The following TRAF3IP2 variants were observed in gnomAD, a reference collection of about 807,000 sequenced individuals.
TRAF3IP2 encodes the protein TRAF3 interacting protein 2.
Under a neutral mutation model 57.9 loss-of-function variants are expected in TRAF3IP2, and 35 were observed. The ratio of observed to expected loss-of-function variants is 0.60; its 90% CI spans 0.46 to 0.80. The LOEUF (loss-of-function observed/expected upper bound fraction) is 0.80, where lower values mean the gene tolerates loss of function less well. Ranked by LOEUF, TRAF3IP2 falls within the 30% of genes least tolerant of loss-of-function variation. The pLI is 0.00. For synonymous variants in TRAF3IP2, 251 were observed against 268.9 expected (o/e 0.93, Z 0.65); for missense variants, 556 against 706.4 (o/e 0.79, Z 2.41).
At chr6:111,566,398 C>T (rs374532339) in intron 7 of TRAF3IP2, 46 bp downstream of exon 7, 2 of 1,452,116 alleles carry the variant, frequency 1.4e-6, no homozygotes, top group Admixed American at 3.4e-5. Flanking sequence ...GACAAGGTAT[C>T]CATCCCCAGG....
intron 5 of TRAF3IP2, among the ~76,000 whole-genome samples, chr6:111,568,164 T>G (rs916880196): frequency 1.3e-5 from 2 of 152,228 alleles, no homozygotes; most frequent in African/African-American, 4.8e-5. Context: ...TATGGTATTA[T>G]GTACAGTTTC....
chr6:111,578,756 GC>G (rs545597846), intron 3 of TRAF3IP2, among the ~76,000 whole-genome samples: 2,057 of 152,268 alleles, frequency 0.014, 22 homozygotes, highest in Non-Finnish European at 0.023. Flanking sequence ...AATAAAGTGG[GC>G]TTTTTTTCTT....
chr6:111,596,547 G>A lies in TRAF3IP2; in HGVS notation c.-8-4453C>T, dbSNP rs377361745. ...CGGCTCACTGCAACCTCTGCCTCCC[G>A]GGTTCAAGCGATTCTCATGCCTCAG... On this transcript the variant is annotated intron_variant, in intron 1 of 8. Transcript: ENST00000368761. 2.4e-4 allele frequency among the ~76,000 whole-genome samples: 37 copies of A among 152,300 alleles called. No homozygotes were observed. In the South Asian group the frequency reaches 7.5e-3, roughly 31 times the overall value.
chr6:111,573,178 G>A (rs1378276753), intron 4 of TRAF3IP2, among the ~76,000 whole-genome samples, 195 bp from the exon 5 acceptor site: 1 of 152,134 alleles, frequency 6.6e-6, no homozygotes, highest in African/African-American at 2.4e-5. Context: ...AATGCCAGTG[G>A]GTCTGTCCAA....
chr6:111,562,695 A>T (rs899544698), intron 8 of TRAF3IP2, among the ~76,000 whole-genome samples: 3 of 152,076 alleles, frequency 2.0e-5, no homozygotes, highest in Non-Finnish European at 4.4e-5. Flanking sequence ...AATAAAAAAA[A>T]TTAGCCAGGC....
rs1448625434 is a variant in TRAF3IP2, at chr6:111,572,913, T to A, written c.1272A>T (p.Val424=). ...EVVKFVNFLL[V]NGFQTAIDIF... is the part of the protein sequence containing the mutation. ...TACTTACTGCAGTTTGGAAGCCATT[T>A]ACCAACAAAAAGTTCACGAATTTCA... The change falls in exon 5 of 9, where the codon GTA becomes GTT. Residue 424 remains valine (V), a synonymous_variant. Coordinates refer to ENST00000368761, the MANE Select transcript of TRAF3IP2 (RefSeq NM_147686.4). 6 of 1,613,932 alleles carry A rather than the reference T, an allele frequency of 3.7e-6. No homozygotes were observed. In the African/African-American group the frequency reaches 6.7e-5, roughly 18 times the overall value.
intron 1 of TRAF3IP2, among the ~76,000 whole-genome samples, chr6:111,594,132 C>CAAAAAAAAAAA (rs36108891): frequency 3.2e-5 from 4 of 123,998 alleles, no homozygotes; most frequent in South Asian, 2.7e-4. Flanking sequence ...ACTCCATCTC[C>CAAAAAAAAAAA]AAAAAAAAAA....
rs1213272939 is a variant in TRAF3IP2 at position 111,587,027 on chromosome 6, CATAA to C, written c.829+4227_829+4230del. 3 of 152,136 alleles carry C rather than the reference CATAA, an allele frequency of 2.0e-5. No homozygotes were observed. In the East Asian group the frequency reaches 5.8e-4, roughly 29 times the overall value. 9.4% of individuals were successfully genotyped at this position (152,136 alleles called of 1,614,324 possible). A position where few individuals can be genotyped will look rare whatever the true frequency, so the allele number is the denominator to read the frequency against. On this transcript the variant is annotated intron_variant, in intron 2 of 8. Transcript: ENST00000368761. Reference sequence around the variant, plus strand: ...TGGGACTCATTGCTGCTGGAGGCCTCATAAATATTCTAGGGCTACAATGCCCTGC... The same window carrying C: ...TGGGACTCATTGCTGCTGGAGGCCTCATATTCTAGGGCTACAATGCCCTGC...
intron 1 of TRAF3IP2, among the ~76,000 whole-genome samples, chr6:111,599,010 C>G (rs1293350544): frequency 2.6e-5 from 4 of 152,072 alleles, no homozygotes. Context: ...GGTCTTCCTC[C>G]CACCTTAGCC....
intron 7 of TRAF3IP2, among the ~76,000 whole-genome samples, chr6:111,565,722 A>T (rs1235233892): frequency 1.3e-5 from 2 of 152,160 alleles, no homozygotes; most frequent in Non-Finnish European, 2.9e-5. Flanking sequence ...TTCTAGTTTT[A>T]TCCCATGCTG....
At chr6:111,595,698 G>T (rs921547989) in intron 1 of TRAF3IP2, among the ~76,000 whole-genome samples, 18 of 152,160 alleles carry the variant, frequency 1.2e-4, no homozygotes, top group Admixed American at 6.5e-4. Flanking sequence ...CATGATGGCA[G>T]GCACCTGTAA....
intron 1 of TRAF3IP2, among the ~76,000 whole-genome samples, chr6:111,599,298 AAT>A (rs1343696886): frequency 2.5e-4 from 38 of 152,130 alleles, no homozygotes; most frequent in Admixed American, 2.3e-3. Context: ...TCTTCCCTCA[AAT>A]ATGTCAGTTT....
chr6:111,584,835 C>T (rs1796279288), intron 2 of TRAF3IP2, among the ~76,000 whole-genome samples: 1 of 152,146 alleles, frequency 6.6e-6, no homozygotes, highest in Admixed American at 6.5e-5. Flanking sequence ...ATGTCAAGTA[C>T]TGTTCTAAGT....
Position 111,575,722 on chromosome 6 carries a change from G to T in TRAF3IP2, c.1122C>A (p.Ser374=), listed in dbSNP as rs1300976659. Residue 374 remains serine (S), a synonymous_variant, in exon 4 of 9, where the codon TCC becomes TCA. Coordinates refer to ENST00000368761, the MANE Select transcript of TRAF3IP2 (RefSeq NM_147686.4). ...ELRPQVPQPP[S]PAAVPRPPSN... ...TAGGGGGTCTAGGCACAGCAGCTGG[G>T]GACGGAGGCTGGGGAACCTGTGGTC... The T allele has an allele frequency of 1.9e-6, 3 of 1,612,758 alleles. No homozygotes were observed. The highest frequency in any genetic ancestry group is 1.7e-5 in the Admixed American group (1 of 59,646).
chr6:111,582,865 A>T (rs1278728411), intron 2 of TRAF3IP2, among the ~76,000 whole-genome samples: 1 of 152,128 alleles, frequency 6.6e-6, no homozygotes, highest in African/African-American at 2.4e-5. Flanking sequence ...CTTCATTTTG[A>T]ATATCCCAAA....
Position 111,580,034 on chromosome 6 carries a change from C to T in TRAF3IP2, c.1022+163G>A, listed in dbSNP as rs114857919. On this transcript the variant is annotated intron_variant, in intron 3 of 8. Coordinates refer to ENST00000368761, the MANE Select transcript of TRAF3IP2 (RefSeq NM_147686.4). The stretch of plus-strand genomic sequence containing the variant: ...AAAGAGATCCTTGTCAACCAGCTTC[C>T]GTTTCCTCCTGACCTGAAAAGTCTA... 9.1e-3 allele frequency among the ~76,000 whole-genome samples: 1,387 copies of T among 151,894 alleles called. 25 individuals carry two copies. Among genetic ancestry groups the T allele is most frequent in the African/African-American group, 0.032 (1,304 of 41,394 alleles).
Position 111,591,939 on chromosome 6 carries a change from G to A in TRAF3IP2, c.148C>T (p.Pro50Ser). The change falls in exon 2 of 9, where the codon CCC becomes TCC. Residue 50 changes from proline (P) to serine (S), a missense_variant. This residue lies in a region of TRAF3IP2 where 428 missense variants were observed against 498.7 expected (regional missense o/e 0.86). Coordinates refer to ENST00000368761, the MANE Select transcript of TRAF3IP2 (RefSeq NM_147686.4). This position sits in a 1 kb window ranked among gnomAD's most constrained non-coding sequence, Gnocchi z 4.9. ...RNMAPNSLSA[P>S]TMLHNSSGDF... is the part of the protein sequence containing the mutation. ...CCGGAGGAATTGTGAAGCATTGTGG[G>A]TGCAGACAAGCTGTTGGGTGCCATG... is the stretch of plus-strand genomic sequence containing the variant. The A allele has an allele frequency of 6.2e-7, 1 of 1,614,228 alleles. No individual in the cohort carries two copies. The highest frequency in any genetic ancestry group is 8.5e-7 in the Non-Finnish European group (1 of 1,180,044).
chr6:111,572,616 C>G (rs1795863881), intron 5 of TRAF3IP2: 3 of 313,830 alleles, frequency 9.6e-6, no homozygotes, highest in Admixed American at 9.0e-5. Context: ...TCCTTCAGGC[C>G]AGGGGCCGCT....
chr6:111,589,071 CT>C (rs372254400), intron 2 of TRAF3IP2, among the ~76,000 whole-genome samples: 112 of 123,108 alleles, frequency 9.1e-4, no homozygotes, highest in Admixed American at 1.9e-3. Flanking sequence ...GAAAAATTAT[CT>C]TTTTTTTTTT....
Sources: allele counts gnomAD v4.1 joint callset (sites outside exome capture counted in the v4.1 genomes callset), GRCh38; gene constraint gnomAD v4.1.1; regional missense constraint gnomAD v4.1.1; non-coding constraint Gnocchi (gnomAD v3.1); transcripts MANE v1.5; gene names NCBI Gene and HGNC (gene_info 2026-07-23, HGNC 2026-07-21).